Variants in PARP15 observed in about 807,000 individuals in gnomAD.
PARP15 encodes protein mono-ADP-ribosyltransferase PARP15.
A neutral mutation model predicts 62.1 loss-of-function variants in PARP15; 50 were observed. The ratio of observed to expected loss-of-function variants is 0.81; its 90% CI spans 0.64 to 1.02. The LOEUF (loss-of-function observed/expected upper bound fraction) is 1.02, where lower values mean the gene tolerates loss of function less well. Ranked by LOEUF, PARP15 falls within the 50% of genes least tolerant of loss-of-function variation. The pLI is 0.00. For synonymous variants in PARP15, 309 were observed against 293.1 expected (o/e 1.05, Z -0.55); for missense variants, 820 against 826.5 (o/e 0.99, Z 0.10).
rs1315096046 is a variant in PARP15, at chr3:122,638,258, A to G, written c.*2158A>G. 1 of 152,104 alleles carries G rather than the reference A, an allele frequency of 6.6e-6. No homozygotes were observed. Among genetic ancestry groups the G allele is most frequent in the African/African-American group, 2.4e-5 (1 of 41,386 alleles). 9.4% of individuals were successfully genotyped at this position (152,104 alleles called of 1,614,324 possible). A position where few individuals can be genotyped will look rare whatever the true frequency, so the allele number is the denominator to read the frequency against. On this transcript the variant is annotated 3_prime_UTR_variant, in exon 12 of 12. Coordinates refer to ENST00000464300, the MANE Select transcript of PARP15 (RefSeq NM_001113523.3). ...TATTGTGAATAGTGCCGCAATAAAC[A>G]TACGTGTGCATGTGTCTTTACAGCA...
rs988209624 is a variant in PARP15, at chr3:122,636,746, T to G, written c.*646T>G. On this transcript the variant is annotated 3_prime_UTR_variant, in exon 12 of 12. Coordinates refer to ENST00000464300, the MANE Select transcript of PARP15 (RefSeq NM_001113523.3). ...GTCAGGAATTCAGGCATGGCTTACCTGGATCATTCTGCTAGGGTCTCTCTG... is the reference window on the plus strand; with the variant it reads ...GTCAGGAATTCAGGCATGGCTTACCGGGATCATTCTGCTAGGGTCTCTCTG... 7.9e-5 allele frequency: 12 copies of G among 152,428 alleles called. No individual in the cohort carries two copies. Among genetic ancestry groups the G allele is most frequent in the African/African-American group, 2.9e-4 (12 of 41,460 alleles). 9.4% of individuals were successfully genotyped at this position (152,428 alleles called of 1,614,324 possible).
intron 6 of PARP15, 78 bp downstream of exon 6, chr3:122,617,242 T>C (rs1317614776): frequency 1.4e-6 from 2 of 1,427,404 alleles, no homozygotes; most frequent in Non-Finnish European, 1.9e-6. Context: ...ATATTTGCCC[T>C]GAGTGGACAG....
chr3:122,585,574 C>T (rs1475275832), intron 1 of PARP15, among the ~76,000 whole-genome samples: 2 of 152,200 alleles, frequency 1.3e-5, no homozygotes, highest in African/African-American at 2.4e-5. Context: ...AGGTTCTGCC[C>T]GTGGTTGCAC....
chr3:122,636,345 A>G lies in PARP15; in HGVS notation c.*245A>G, dbSNP rs1299180306. On this transcript the variant is annotated 3_prime_UTR_variant, in exon 12 of 12. Transcript: ENST00000464300. ...CACAGAGCTACAACCATTCACAGAC[A>G]CCAAATCTCTAGGAGAATAAAAAGC... The G allele has an allele frequency of 1.3e-5, 6 of 461,902 alleles. No homozygotes were observed. The highest frequency in any genetic ancestry group is 1.1e-4 in the Admixed American group (3 of 28,238). The allele number at this position is 461,902 out of a possible 1,614,324, so 28.6% of individuals were successfully genotyped here. A position where few individuals can be genotyped will look rare whatever the true frequency, so the allele number is the denominator to read the frequency against.
rs543814468 is a variant in PARP15 at position 122,579,777 on chromosome 3, A to G, written c.186+1924A>G. 9.9e-5 allele frequency among the ~76,000 whole-genome samples: 15 copies of G among 151,894 alleles called. No individual in the cohort carries two copies. In the East Asian group the frequency reaches 2.7e-3, roughly 27 times the overall value. ...GTGGATCACTTGAGGTCAGGAGTTCAAGATCAGCCTGGCGAACATGGTGAA... is the reference window on the plus strand; with the variant it reads ...GTGGATCACTTGAGGTCAGGAGTTCGAGATCAGCCTGGCGAACATGGTGAA... On this transcript the variant is annotated intron_variant, in intron 1 of 11. Transcript: ENST00000464300.
chr3:122,577,731 CTT>C lies in PARP15; in HGVS notation c.65_66del (p.Leu22HisfsTer117). On this transcript the variant is annotated frameshift_variant, in exon 1 of 12. Transcript: ENST00000464300. LOFTEE classifies it high-confidence loss of function. ...TCCAGGGGCTCCGACCCCCAGAGAACTTATGCACGGAGTTGCAGGTGTTACTT... is the reference window on the plus strand; with the variant it reads ...TCCAGGGGCTCCGACCCCCAGAGAACATGCACGGAGTTGCAGGTGTTACTT... ...LSPGAPTPRE[L>X]MHGVAGVTSR... is the part of the protein sequence containing the mutation. 1.3e-6 allele frequency: 2 copies of C among 1,551,722 alleles called. No individual in the cohort carries two copies. The highest frequency in any genetic ancestry group is 8.7e-7 in the Non-Finnish European group (1 of 1,146,990).
At chr3:122,577,881 A>G in intron 1 of PARP15, 28 bp downstream of exon 1, 2 of 1,523,238 alleles carry the variant, frequency 1.3e-6, no homozygotes, top group Middle Eastern at 1.8e-4. Flanking sequence ...CGGGTGCGGG[A>G]AGGGGACAGC....
At chr3:122,596,239 C>T (rs1472153262) in intron 1 of PARP15, among the ~76,000 whole-genome samples, 2 of 150,738 alleles carry the variant, frequency 1.3e-5, no homozygotes, top group African/African-American at 4.9e-5. Flanking sequence ...GCCTGTAATC[C>T]CAGCTACTAG....
At chr3:122,624,382 A>G (rs1330181821) in intron 8 of PARP15, among the ~76,000 whole-genome samples, 3 of 152,150 alleles carry the variant, frequency 2.0e-5, no homozygotes, top group African/African-American at 7.2e-5. Flanking sequence ...TTCGAGTTTG[A>G]CCAGGACTTT....
chr3:122,589,802 T>G (rs892525672), intron 1 of PARP15, among the ~76,000 whole-genome samples: 3 of 152,178 alleles, frequency 2.0e-5, no homozygotes, highest in African/African-American at 7.2e-5. Context: ...TTTGAAAATA[T>G]TTTCTTCCAT....
At chr3:122,620,008 A>T (rs1404494692) in intron 7 of PARP15, among the ~76,000 whole-genome samples, 165 bp downstream of exon 7, 4 of 152,234 alleles carry the variant, frequency 2.6e-5, no homozygotes, top group African/African-American at 9.6e-5. Flanking sequence ...CTTGGAGGCT[A>T]TGGGGGAGAG....
intron 1 of PARP15, among the ~76,000 whole-genome samples, chr3:122,597,159 T>C (rs1934413742): frequency 6.6e-6 from 1 of 152,198 alleles, no homozygotes; most frequent in South Asian, 2.1e-4. Context: ...TGCTGTGTCC[T>C]CACGTGGCAG....
rs116466935 is a variant in PARP15 at position 122,634,499 on chromosome 3, G to A, written c.1573-521G>A. On this transcript the variant is annotated intron_variant, in intron 10 of 11. Coordinates refer to ENST00000464300, the MANE Select transcript of PARP15 (RefSeq NM_001113523.3). The stretch of plus-strand genomic sequence containing the variant: ...CAGAGTTTTAAGAAGGGGATGGCTC[G>A]TGGTTTGAAATGCTATTCAGAGGTC... Among the ~76,000 whole-genome samples, 1,241 of 152,270 alleles carry A rather than the reference G, an allele frequency of 8.1e-3. 13 individuals carry two copies. Among genetic ancestry groups the A allele is most frequent in the African/African-American group, 0.028 (1,151 of 41,550 alleles).
intron 1 of PARP15, among the ~76,000 whole-genome samples, chr3:122,591,292 A>G (rs2107820150): frequency 6.6e-6 from 1 of 152,330 alleles, no homozygotes; most frequent in Middle Eastern, 3.4e-3. Context: ...GATGAAATAG[A>G]TGAATTTGCA....
At chr3:122,617,431 A>C in intron 6 of PARP15, among the ~76,000 whole-genome samples, 1 of 152,148 alleles carries the variant, frequency 6.6e-6, no homozygotes, top group East Asian at 1.9e-4. Context: ...AACTGATATA[A>C]AGGTGGAGTT....
Position 122,577,873 on chromosome 3 carries a change from G to A in PARP15, c.186+20G>A. 1 of 1,528,440 alleles carries A rather than the reference G, an allele frequency of 6.5e-7. No individual in the cohort carries two copies. The allele number at this position is 1,528,440 out of a possible 1,614,324, so 94.7% of individuals were successfully genotyped here. On this transcript the variant is annotated intron_variant, in intron 1 of 11. Transcript: ENST00000464300. ...AGTATGGTGAGGAGCGCGGGGGACG[G>A]GTGCGGGAAGGGGACAGCAGGGCTG...
chr3:122,582,490 C>G (rs944195319), intron 1 of PARP15, among the ~76,000 whole-genome samples: 2 of 152,208 alleles, frequency 1.3e-5, no homozygotes, highest in African/African-American at 4.8e-5. Context: ...ATGACATTTT[C>G]TAAGTTGACA....
intron 4 of PARP15, 128 bp from the exon 5 acceptor site, chr3:122,615,651 G>A (rs1316018347): frequency 1.3e-6 from 2 of 1,553,514 alleles, no homozygotes; most frequent in Non-Finnish European, 1.7e-6. Context: ...AGAAGTCTCT[G>A]AGGGAAGAGG....
intron 1 of PARP15, chr3:122,594,581 G>A: frequency 2.1e-6 from 2 of 971,168 alleles, no homozygotes; most frequent in Non-Finnish European, 2.4e-6. Context: ...AATTGATATA[G>A]GGTAGGGGAG....
Sources: gnomAD v4.1 joint callset for allele counts (sites outside exome capture counted in the v4.1 genomes callset) on GRCh38, gnomAD v4.1.1 for gene constraint, MANE v1.5 for transcripts, NCBI Gene and HGNC (gene_info 2026-07-23, HGNC 2026-07-21) for gene names.